The following DNAH3 variants were observed in gnomAD, a reference collection of about 807,000 sequenced individuals.
DNAH3 encodes axonemal beta dynein heavy chain 3.
DNAH3 carries 332 observed loss-of-function variants against 432.5 expected under a neutral mutation model. The ratio of observed to expected loss-of-function variants is 0.77; its 90% CI spans 0.70 to 0.84. The LOEUF (loss-of-function observed/expected upper bound fraction) is 0.84, where lower values mean the gene tolerates loss of function less well. Among genes scored for constraint, DNAH3 ranks in the 40% least tolerant of loss-of-function variants. The pLI is 0.00. For missense variants in DNAH3, 4,861 were observed against 5,114.0 expected, an observed-to-expected ratio of 0.95 and a Z score of 1.51; for synonymous variants, 1,956 against 1,900.2, an observed-to-expected ratio of 1.03 and a Z score of -0.76.
At position 21,098,162 on chromosome 16, in the gene DNAH3, G is replaced by A. The variant is rs79169336; in HGVS notation, c.2520+454C>T. Among the ~76,000 whole-genome samples the A allele has an allele frequency of 5.0e-4, 76 of 152,304 alleles. 1 individual carries two copies. The East Asian group carries it at 9.3e-3, about 19-fold the overall frequency. On this transcript the variant is annotated intron_variant, in intron 17 of 61. Coordinates refer to ENST00000261383, the Ensembl canonical transcript of DNAH3. ...AAAAGGTAGTTGAAAGTACCAGTGAGCCAGGTGTGGTGGCTCATGCCTGTA... is the reference window on the plus strand; with the variant it reads ...AAAAGGTAGTTGAAAGTACCAGTGAACCAGGTGTGGTGGCTCATGCCTGTA...
chr16:21,155,215 G>T (rs940012558), intron 1 of DNAH3, among the ~76,000 whole-genome samples: 1 of 152,048 alleles, frequency 6.6e-6, no homozygotes, highest in Non-Finnish European at 1.5e-5. Flanking sequence ...CTCCCAAAGT[G>T]CTGGGATTCA....
exon 23 of DNAH3, chr16:21,069,420 G>T (rs2090697898): frequency 6.2e-7 from 1 of 1,613,590 alleles, no homozygotes; most frequent in South Asian, 1.1e-5. Context: ...CTTACCGCTT[G>T]GGACATAAGT....
At chr16:20,998,058 T>A (rs1424563686) in intron 43 of DNAH3, among the ~76,000 whole-genome samples, 1 of 152,048 alleles carries the variant, frequency 6.6e-6, no homozygotes, top group Admixed American at 6.6e-5. Context: ...AACAGGCATT[T>A]AATTTTTTCC....
intron 21 of DNAH3, among the ~76,000 whole-genome samples, chr16:21,074,713 CA>C (rs1198867433): frequency 2.6e-5 from 4 of 151,756 alleles, no homozygotes; most frequent in Non-Finnish European, 5.9e-5. Flanking sequence ...GGCTCCATCT[CA>C]AAAAAAGAAA....
chr16:20,989,123 G>C (rs71374847), intron 44 of DNAH3, among the ~76,000 whole-genome samples: 11,304 of 152,196 alleles, frequency 0.074, 591 homozygotes, highest in East Asian at 0.17. Flanking sequence ...ACCACTGCTG[G>C]CTCGGGCAGC....
chr16:20,989,111 T>A (rs1392445855), intron 44 of DNAH3, among the ~76,000 whole-genome samples: 1 of 152,128 alleles, frequency 6.6e-6, no homozygotes, highest in Non-Finnish European at 1.5e-5. Flanking sequence ...CCCGAGCGGG[T>A]TACCACTGCT....
At chr16:21,103,327 T>C (rs1413049585) in intron 16 of DNAH3, among the ~76,000 whole-genome samples, 1 of 107,212 alleles carries the variant, frequency 9.3e-6, no homozygotes, top group Non-Finnish European at 1.7e-5. Context: ...ATCAGTTCCA[T>C]AGAAAAGGGT....
At chr16:21,072,820 T>C (rs1246491966) in intron 21 of DNAH3, among the ~76,000 whole-genome samples, 1 of 148,144 alleles carries the variant, frequency 6.8e-6, no homozygotes, top group Non-Finnish European at 1.5e-5. Flanking sequence ...AGCTAATTAT[T>C]ATTATTATTA....
rs555416086 is a variant in DNAH3, at chr16:21,002,878, C to T, written c.6126+226G>A. Among the ~76,000 whole-genome samples the T allele has an allele frequency of 5.9e-5, 9 of 152,200 alleles. 1 individual carries two copies. In the South Asian group the frequency reaches 1.9e-3, roughly 32 times the overall value. ...TCCAACCTCTGCAACCATAAATGTT[C>T]CCCCCACCGCCATTTTTTGGTTGAG... On this transcript the variant is annotated intron_variant, in intron 42 of 61. Coordinates refer to ENST00000261383, the Ensembl canonical transcript of DNAH3.
chr16:20,964,081 A>C (rs1164786108), exon 53 of DNAH3: 5 of 1,614,196 alleles, frequency 3.1e-6, no homozygotes, highest in South Asian at 1.1e-5. Context: ...TTCAGATAGC[A>C]CTTTGGAGGA....
intron 1 of DNAH3, among the ~76,000 whole-genome samples, chr16:21,157,336 C>CTTTT (rs34449371): frequency 3.0e-4 from 34 of 111,836 alleles, no homozygotes; most frequent in Non-Finnish European, 4.7e-4. Flanking sequence ...GTGATTGCTT[C>CTTTT]TTTTTTTTTT....
chr16:21,062,458 C>T (rs1453166632), intron 25 of DNAH3, 24 bp downstream of exon 25: 5 of 1,609,206 alleles, frequency 3.1e-6, no homozygotes, highest in Non-Finnish European at 4.3e-6. Context: ...GAGAAAAGAA[C>T]CAAAAATGGG....
At chr16:20,948,354 GC>G in intron 57 of DNAH3, 128 bp downstream of exon 57, 3 of 923,138 alleles carry the variant, frequency 3.2e-6, no homozygotes, top group Non-Finnish European at 4.8e-6. Context: ...ATTGGGAATA[GC>G]TTATGGATTC....
intron 52 of DNAH3, among the ~76,000 whole-genome samples, chr16:20,968,918 A>C (rs2152632671): frequency 6.8e-6 from 1 of 147,534 alleles, no homozygotes; most frequent in East Asian, 2.0e-4. Flanking sequence ...TGTCTCTGGC[A>C]CTCCATGTGT....
chr16:20,936,550 G>A (rs1826253637), intron 60 of DNAH3, 99 bp downstream of exon 60: 2 of 1,052,058 alleles, frequency 1.9e-6, no homozygotes, highest in Admixed American at 2.1e-5. Flanking sequence ...TTCTGTGGCT[G>A]CCTGCCCTCC....
chr16:21,115,020 A>G (rs1191983417), intron 12 of DNAH3, among the ~76,000 whole-genome samples: 1 of 152,248 alleles, frequency 6.6e-6, no homozygotes, highest in African/African-American at 2.4e-5. Flanking sequence ...AGACTGGATT[A>G]AGAAAATGTG....
At chr16:21,150,439 G>A in intron 1 of DNAH3, 1 of 396,914 alleles carries the variant, frequency 2.5e-6, no homozygotes, top group South Asian at 1.9e-5. Flanking sequence ...GCATAATGGG[G>A]ATGACACCAA....
intron 12 of DNAH3, among the ~76,000 whole-genome samples, chr16:21,115,761 TAAATA>T (rs540684299): frequency 2.3e-3 from 348 of 149,806 alleles, no homozygotes; most frequent in African/African-American, 7.4e-3. Flanking sequence ...TAAAATAAAA[TAAATA>T]AAATAAAATA....
intron 24 of DNAH3, 86 bp downstream of exon 24, chr16:21,067,197 G>A: frequency 2.0e-6 from 3 of 1,496,598 alleles, no homozygotes; most frequent in Non-Finnish European, 2.8e-6. Flanking sequence ...TAGATTGGTT[G>A]AAGCCAACTC....
Sources: gnomAD v4.1 joint callset for allele counts (sites outside exome capture counted in the v4.1 genomes callset) on GRCh38, gnomAD v4.1.1 for gene constraint, MANE v1.5 for transcripts, NCBI Gene and HGNC (gene_info 2026-07-23, HGNC 2026-07-21) for gene names.